SPEF2: variants seen among roughly 807,000 people sequenced by gnomAD.
SPEF2 encodes sperm flagella and cilia-associated protein 2.
A neutral mutation model predicts 224.6 loss-of-function variants in SPEF2; 187 were observed. That is an observed-to-expected ratio of 0.83 (90% CI 0.74 to 0.94). SPEF2 has a LOEUF of 0.94. Among genes scored for constraint, SPEF2 ranks in the 40% least tolerant of loss-of-function variants. SPEF2 has a pLI of 0.00. For synonymous variants in SPEF2, 715 were observed against 707.3 expected (o/e 1.01, Z -0.17); for missense variants, 2,170 against 2,135.6 (o/e 1.02, Z -0.32).
intron 6 of SPEF2, among the ~76,000 whole-genome samples, chr5:35,650,461 T>G (rs922074424): frequency 1.3e-5 from 2 of 152,068 alleles, no homozygotes; most frequent in African/African-American, 4.8e-5. Flanking sequence ...AAATACCAAT[T>G]TCTTCTCATT....
At position 35,659,147 on chromosome 5, in the gene SPEF2, A is replaced by AG. The variant is rs1209177644; in HGVS notation, c.1108dup (p.Glu370GlyfsTer5). 1 of 1,613,470 alleles carries AG rather than the reference A, an allele frequency of 6.2e-7. No homozygotes were observed. Among genetic ancestry groups the AG allele is most frequent in the Non-Finnish European group, 8.5e-7 (1 of 1,179,622 alleles). On this transcript the variant is annotated frameshift_variant, in exon 8 of 37. Coordinates refer to ENST00000356031, the MANE Select transcript of SPEF2 (RefSeq NM_024867.4). LOFTEE classifies it high-confidence loss of function. ...TTTTATGGCAAAACAGAATTTTCAG[A>AG]GAAAAACAACATGAGGAAAGACGAC...
chr5:35,780,068 G>A (rs554878373), intron 30 of SPEF2, among the ~76,000 whole-genome samples: 1 of 152,220 alleles, frequency 6.6e-6, no homozygotes, highest in Admixed American at 6.5e-5. Context: ...GAGGAGTTTA[G>A]CAGATTTTTT....
At chr5:35,794,733 G>C (rs1488119898) in intron 32 of SPEF2, among the ~76,000 whole-genome samples, 1 of 152,050 alleles carries the variant, frequency 6.6e-6, no homozygotes, top group African/African-American at 2.4e-5. Flanking sequence ...AAGAACAAAG[G>C]GTGTTGGCAA....
intron 23 of SPEF2, among the ~76,000 whole-genome samples, chr5:35,750,775 A>C (rs565011662): frequency 6.6e-6 from 1 of 151,868 alleles, no homozygotes; most frequent in Admixed American, 6.6e-5. Context: ...GACACTATGG[A>C]AAACAGTGTG....
At chr5:35,637,288 T>G (rs917950524) in intron 2 of SPEF2, among the ~76,000 whole-genome samples, 1 of 152,224 alleles carries the variant, frequency 6.6e-6, no homozygotes, top group African/African-American at 2.4e-5. Flanking sequence ...AAAAGGTTGA[T>G]TTTTACAATT....
intron 21 of SPEF2, among the ~76,000 whole-genome samples, chr5:35,734,299 C>A (rs1746159889): frequency 6.6e-6 from 1 of 152,206 alleles, no homozygotes; most frequent in Admixed American, 6.5e-5. Flanking sequence ...AACATTCCCA[C>A]CACAGTGCCT....
intron 30 of SPEF2, among the ~76,000 whole-genome samples, chr5:35,780,514 G>A (rs767650396): frequency 6.6e-6 from 1 of 152,150 alleles, no homozygotes; most frequent in Non-Finnish European, 1.5e-5. Flanking sequence ...TGGGCACGAA[G>A]GAAACATGGC....
intron 8 of SPEF2, among the ~76,000 whole-genome samples, chr5:35,666,774 C>T (rs1750529557): frequency 6.6e-6 from 1 of 152,144 alleles, no homozygotes; most frequent in Non-Finnish European, 1.5e-5. Flanking sequence ...CTCAGGACTT[C>T]TTTTTGAAGG....
chr5:35,703,152 A>G (rs929414910), intron 16 of SPEF2, among the ~76,000 whole-genome samples: 1 of 151,626 alleles, frequency 6.6e-6, no homozygotes, highest in Non-Finnish European at 1.5e-5. Flanking sequence ...GTCTCTCTAT[A>G]TATATATGAA....
intron 10 of SPEF2, 193 bp downstream of exon 10, chr5:35,670,420 T>C: frequency 2.4e-6 from 3 of 1,251,978 alleles, no homozygotes; most frequent in Non-Finnish European, 3.0e-6. Context: ...TTATCTATTG[T>C]TCCTAGTAAT....
intron 21 of SPEF2, among the ~76,000 whole-genome samples, chr5:35,736,377 A>G (rs1193475305): frequency 6.6e-6 from 1 of 152,226 alleles, no homozygotes; most frequent in Non-Finnish European, 1.5e-5. Flanking sequence ...TGACTCACAC[A>G]GTTACACATG....
intron 30 of SPEF2, among the ~76,000 whole-genome samples, chr5:35,784,242 C>G (rs980968378): frequency 3.9e-5 from 6 of 152,038 alleles, no homozygotes; most frequent in Admixed American, 6.6e-5. Flanking sequence ...ATTCTCCTGC[C>G]TCAGCCTCCG....
At chr5:35,700,219 A>G in intron 15 of SPEF2, 1 of 389,052 alleles carries the variant, frequency 2.6e-6, no homozygotes, top group Middle Eastern at 7.1e-4. Flanking sequence ...CTTTATCAGC[A>G]GCATGGAAAG....
At chr5:35,651,409 T>C (rs770219957) in intron 6 of SPEF2, among the ~76,000 whole-genome samples, 2 of 152,178 alleles carry the variant, frequency 1.3e-5, no homozygotes, top group Non-Finnish European at 2.9e-5. Context: ...GGAGAAGGCC[T>C]GGGGCAGCTG....
chr5:35,804,724 A>T (rs1309323859), intron 34 of SPEF2, among the ~76,000 whole-genome samples: 5 of 152,212 alleles, frequency 3.3e-5, no homozygotes, highest in Admixed American at 3.3e-4. Context: ...TTTAAAAAAA[A>T]ATCATTTATT....
intron 15 of SPEF2, chr5:35,700,218 C>A (rs564085055): frequency 1.8e-5 from 7 of 384,204 alleles, no homozygotes; most frequent in African/African-American, 1.4e-4. Flanking sequence ...TCTTTATCAG[C>A]AGCATGGAAA....
At chr5:35,797,407 C>T (rs150926675) in intron 33 of SPEF2, among the ~76,000 whole-genome samples, 5,314 of 151,290 alleles carry the variant, frequency 0.035, 151 homozygotes, top group Admixed American at 0.053. Flanking sequence ...GTTTTCCATC[C>T]GCCCCATGGG....
At chr5:35,671,657 G>A in intron 10 of SPEF2, 1 of 426,196 alleles carries the variant, frequency 2.3e-6, no homozygotes, top group Non-Finnish European at 3.1e-6. Context: ...TACAAATCAG[G>A]AGACCTAGTA....
At chr5:35,742,564 A>G (rs1052965611) in intron 23 of SPEF2, among the ~76,000 whole-genome samples, 5 of 151,980 alleles carry the variant, frequency 3.3e-5, no homozygotes, top group African/African-American at 9.7e-5. Context: ...TGCCAATTTA[A>G]TGGGTAAAAA....
Sources: gnomAD v4.1 joint callset for allele counts (sites outside exome capture counted in the v4.1 genomes callset) on GRCh38, gnomAD v4.1.1 for gene constraint, MANE v1.5 for transcripts, NCBI Gene and HGNC (gene_info 2026-07-23, HGNC 2026-07-21) for gene names.